Variants in DLGAP1 observed in about 807,000 individuals in gnomAD.
The protein encoded by DLGAP1 is DLG associated protein 1, also known as disks large-associated protein 1.
DLGAP1 carries 11 observed loss-of-function variants against 90.8 expected under a neutral mutation model. That is an observed-to-expected ratio of 0.12 (90% confidence interval 0.08 to 0.20). The LOEUF (loss-of-function observed/expected upper bound fraction) is 0.20, where lower values mean the gene tolerates loss of function less well. Among genes scored for constraint, DLGAP1 ranks in the 10% least tolerant of loss-of-function variants. The probability of loss-of-function intolerance (pLI) is 1.00; values close to 1 mark genes in which losing one functional copy is unlikely to be tolerated. For missense variants in DLGAP1, 1,050 were observed against 1,333.8 expected (o/e 0.79, Z 3.31); for synonymous variants, 558 against 540.7 (o/e 1.03, Z -0.44).
intron 11 of DLGAP1, among the ~76,000 whole-genome samples, chr18:3,503,355 T>G (rs1168640423): frequency 6.6e-6 from 1 of 152,222 alleles, no homozygotes; most frequent in Non-Finnish European, 1.5e-5. Flanking sequence ...ATTTGCTAAG[T>G]GATAGTAAAC....
At chr18:4,154,850 G>A (rs1464399651) in intron 1 of DLGAP1, among the ~76,000 whole-genome samples, 5 of 152,210 alleles carry the variant, frequency 3.3e-5, no homozygotes, top group African/African-American at 7.2e-5. Context: ...AAGATTTAGC[G>A]AGCATCTATC....
intron 1 of DLGAP1, among the ~76,000 whole-genome samples, chr18:4,228,574 A>G (rs1033799091): frequency 6.6e-6 from 1 of 152,032 alleles, no homozygotes; most frequent in Non-Finnish European, 1.5e-5. Context: ...CAACAGAATG[A>G]AGGATAACAA....
At chr18:3,572,151 T>C (rs901122350) in intron 8 of DLGAP1, among the ~76,000 whole-genome samples, 3 of 147,512 alleles carry the variant, frequency 2.0e-5, no homozygotes, top group South Asian at 4.4e-4. Flanking sequence ...CGATCTCGGC[T>C]CACCGCAACC....
intron 3 of DLGAP1, among the ~76,000 whole-genome samples, chr18:3,996,571 G>A (rs370076009): frequency 4.0e-5 from 6 of 151,872 alleles, no homozygotes; most frequent in Non-Finnish European, 7.4e-5. Context: ...AAAGCCAAAA[G>A]AATGTAATAT....
At chr18:3,502,084 A>G in intron 12 of DLGAP1, 1 of 906,438 alleles carries the variant, frequency 1.1e-6, no homozygotes, top group Non-Finnish European at 1.3e-6. Flanking sequence ...GTTATTTTTC[A>G]GGGCATCCTA....
intron 10 of DLGAP1, among the ~76,000 whole-genome samples, chr18:3,531,847 C>A (rs2052026496): frequency 6.6e-6 from 1 of 151,916 alleles, no homozygotes; most frequent in South Asian, 2.1e-4. Context: ...GACACGATGC[C>A]TTGGATTTTC....
chr18:4,056,156 G>A (rs2075213558), intron 2 of DLGAP1, among the ~76,000 whole-genome samples: 2 of 152,172 alleles, frequency 1.3e-5, no homozygotes, highest in Admixed American at 1.3e-4. Context: ...GGGGGCAGGA[G>A]AAGGCCGTGG....
Position 3,560,869 on chromosome 18 carries a change from C to T in DLGAP1, c.2057+6621G>A, listed in dbSNP as rs530080279. On this transcript the variant is annotated intron_variant, in intron 9 of 12. Coordinates refer to ENST00000315677, the MANE Select transcript of DLGAP1 (RefSeq NM_004746.4). ...TACTAATTTTACTTCTCTTTTACCT[C>T]TTTGTAGTGGTTACCCTAGAGTTTG... 4.0e-5 allele frequency among the ~76,000 whole-genome samples: 6 copies of T among 150,752 alleles called. No homozygotes were observed. In the South Asian group the frequency reaches 1.0e-3, roughly 26 times the overall value.
Position 3,499,833 on chromosome 18 carries a change from A to G in DLGAP1, c.2725-439T>C, listed in dbSNP as rs2049836646. 6.6e-6 allele frequency among the ~76,000 whole-genome samples: 1 copy of G among 152,162 alleles called. No individual in the cohort carries two copies. Among genetic ancestry groups the G allele is most frequent in the South Asian group, 2.1e-4 (1 of 4,832 alleles). ...AAGTCACCGGGTGCAAGCTTGGTTC[A>G]GAGCTTAAAAACATCTCCGCTCTGT... On this transcript the variant is annotated intron_variant, in intron 12 of 12. Transcript: ENST00000315677. The surrounding 1 kb of genome is among the most constrained non-coding windows in gnomAD (Gnocchi z 6.4).
intron 3 of DLGAP1, among the ~76,000 whole-genome samples, chr18:3,934,919 A>C (rs2072600122): frequency 6.6e-6 from 1 of 152,264 alleles, no homozygotes; most frequent in Non-Finnish European, 1.5e-5. Flanking sequence ...TTTTAGGACA[A>C]AGCAGTTCTG....
At chr18:4,250,397 C>T (rs531738019) in intron 1 of DLGAP1, among the ~76,000 whole-genome samples, 1 of 152,330 alleles carries the variant, frequency 6.6e-6, no homozygotes, top group South Asian at 2.1e-4. Flanking sequence ...AAAATAATGT[C>T]ATCAGCTGCT....
At chr18:3,559,327 T>C (rs1287827181) in intron 9 of DLGAP1, among the ~76,000 whole-genome samples, 5 of 152,244 alleles carry the variant, frequency 3.3e-5, no homozygotes, top group African/African-American at 1.2e-4. Context: ...TAAAATTAAA[T>C]GAGCGCTGAC....
At chr18:3,558,489 T>C (rs1041362109) in intron 9 of DLGAP1, among the ~76,000 whole-genome samples, 1 of 152,172 alleles carries the variant, frequency 6.6e-6, no homozygotes, top group African/African-American at 2.4e-5. Flanking sequence ...CACCTTGGCC[T>C]CCCAAAGTGC....
At chr18:3,567,950 G>A (rs1161890775) in intron 8 of DLGAP1, among the ~76,000 whole-genome samples, 1 of 151,840 alleles carries the variant, frequency 6.6e-6, no homozygotes, top group African/African-American at 2.4e-5. Flanking sequence ...CCGGGCTGGA[G>A]TGCTGTGGTG....
chr18:3,702,166 C>T (rs998704967), intron 7 of DLGAP1, among the ~76,000 whole-genome samples: 7 of 152,192 alleles, frequency 4.6e-5, no homozygotes, highest in African/African-American at 1.7e-4. Context: ...ATTCTCCTGC[C>T]TCAGCCTCCC....
chr18:4,151,049 G>A (rs1246270380), intron 2 of DLGAP1, 131 bp downstream of exon 2: 2 of 152,210 alleles, frequency 1.3e-5, no homozygotes, highest in African/African-American at 4.8e-5. Context: ...TCTGGAAAGT[G>A]TATGCCAGGA....
chr18:3,909,853 C>A (rs1457808774), intron 3 of DLGAP1, among the ~76,000 whole-genome samples: 1 of 152,052 alleles, frequency 6.6e-6, no homozygotes, highest in Non-Finnish European at 1.5e-5. Context: ...ACATAATTTT[C>A]TCTTGCCTAG....
chr18:3,509,700 G>T (rs757508474), intron 10 of DLGAP1, among the ~76,000 whole-genome samples: 1 of 152,276 alleles, frequency 6.6e-6, no homozygotes, highest in African/African-American at 2.4e-5. Context: ...CCAGGTACCC[G>T]AGTGGAATAA....
At chr18:4,049,408 C>A (rs2075100796) in intron 2 of DLGAP1, among the ~76,000 whole-genome samples, 1 of 152,068 alleles carries the variant, frequency 6.6e-6, no homozygotes, top group Admixed American at 6.6e-5. Context: ...CTCCTCCTCC[C>A]ATGCAGCCGA....
Sources: gnomAD v4.1 joint callset for allele counts (sites outside exome capture counted in the v4.1 genomes callset) on GRCh38, gnomAD v4.1.1 for gene constraint, Gnocchi (gnomAD v3.1) non-coding constraint, MANE v1.5 for transcripts, NCBI Gene and HGNC (gene_info 2026-07-23, HGNC 2026-07-21) for gene names.